The following FBN2 variants were observed in gnomAD, a reference collection of about 807,000 sequenced individuals.
The protein encoded by FBN2 is fibrillin-2.
A neutral mutation model predicts 355.6 loss-of-function variants in FBN2; 105 were observed. That is an observed-to-expected ratio of 0.30 (90% CI 0.25 to 0.35). The LOEUF is 0.35. Among genes scored for constraint, FBN2 ranks in the 10% least tolerant of loss-of-function variants. The probability of loss-of-function intolerance (pLI) is 1.00; values close to 1 mark genes in which losing one functional copy is unlikely to be tolerated. For missense variants in FBN2, 3,280 were observed against 3,758.7 expected, an observed-to-expected ratio of 0.87 and a Z score of 3.33; for synonymous variants, 1,350 against 1,301.2, an observed-to-expected ratio of 1.04 and a Z score of -0.81.
At chr5:128,501,627 A>G (rs925379056) in intron 5 of FBN2, among the ~76,000 whole-genome samples, 1 of 152,194 alleles carries the variant, frequency 6.6e-6, no homozygotes, top group African/African-American at 2.4e-5. Flanking sequence ...TTACAAAGCT[A>G]TTTGTTAATA....
rs1038750007 is a variant in FBN2, at chr5:128,288,617, A to G, written c.6638-60T>C. The G allele has an allele frequency of 5.0e-6, 8 of 1,588,558 alleles. No homozygotes were observed. In the African/African-American group the frequency reaches 1.1e-4, roughly 21 times the overall value. ...GTTTTAGTTTAACAGGAGAATGCCC[A>G]GGAAGACCCATGCTTGGCCCTCACC... On this transcript the variant is annotated intron_variant, in intron 52 of 64. Coordinates refer to ENST00000262464, the MANE Select transcript of FBN2 (RefSeq NM_001999.4).
Position 128,345,545 on chromosome 5 carries a change from T to C in FBN2, c.3029A>G (p.Asp1010Gly), listed in dbSNP as rs752726950. 6.2e-7 allele frequency: 1 copy of C among 1,613,984 alleles called. No homozygotes were observed. Among genetic ancestry groups the C allele is most frequent in the Non-Finnish European group, 8.5e-7 (1 of 1,179,964 alleles). Residue 1010 changes from aspartate (D) to glycine (G), a missense_variant, in exon 24 of 65, where the codon GAT becomes GGT. This residue lies in a region of FBN2 where 2,284 missense variants were observed against 2,749.5 expected (regional missense o/e 0.83). Transcript: ENST00000262464. ...TCCAGGAACGGGGTGGATGCATTCATCTTCATCCCACTTCAAGTAACACTG... is the reference window on the plus strand; with the variant it reads ...TCCAGGAACGGGGTGGATGCATTCACCTTCATCCCACTTCAAGTAACACTG... ...MEQCYLKWDE[D>G]ECIHPVPGKF...
At chr5:128,526,644 A>G (rs1338424877) in intron 4 of FBN2, among the ~76,000 whole-genome samples, 1 of 152,158 alleles carries the variant, frequency 6.6e-6, no homozygotes, top group Non-Finnish European at 1.5e-5. Flanking sequence ...AAGGACAAAT[A>G]CTTCATGCTT....
Position 128,537,693 on chromosome 5 carries a change from A to G in FBN2, c.-90T>C. 3 of 1,323,694 alleles carry G rather than the reference A, an allele frequency of 2.3e-6. No homozygotes were observed. The highest frequency in any genetic ancestry group is 3.2e-6 in the Non-Finnish European group (3 of 947,040). The allele number at this position is 1,323,694 out of a possible 1,614,324, so 82.0% of individuals were successfully genotyped here. ...GCGCCTCAGAAAAGAGTCAGGGTCTAATAAGCCCTTCGTCGGCTCCGGGGA... is the reference window on the plus strand; with the variant it reads ...GCGCCTCAGAAAAGAGTCAGGGTCTGATAAGCCCTTCGTCGGCTCCGGGGA... On this transcript the variant is annotated 5_prime_UTR_variant, in exon 1 of 65. Transcript: ENST00000262464.
At chr5:128,463,009 A>T (rs2127081584) in intron 6 of FBN2, among the ~76,000 whole-genome samples, 1 of 152,310 alleles carries the variant, frequency 6.6e-6, no homozygotes, top group South Asian at 2.1e-4. Flanking sequence ...AATTAAAAAC[A>T]ACAAAGAAAT....
rs577784238 is a variant in FBN2, at chr5:128,437,269, T to C, written c.952+9212A>G. Among the ~76,000 whole-genome samples, 10 of 152,310 alleles carry C rather than the reference T, an allele frequency of 6.6e-5. No individual in the cohort carries two copies. The South Asian group carries it at 2.1e-3, about 32-fold the overall frequency. On this transcript the variant is annotated intron_variant, in intron 7 of 64. Coordinates refer to ENST00000262464, the MANE Select transcript of FBN2 (RefSeq NM_001999.4). ...AATGGGAAAGCTGACAAACACGCTA[T>C]GGTATAGCTACATAATGGAATATTG...
At chr5:128,451,445 G>C (rs900941677) in intron 6 of FBN2, among the ~76,000 whole-genome samples, 2 of 152,070 alleles carry the variant, frequency 1.3e-5, no homozygotes, top group African/African-American at 4.8e-5. Context: ...TGTTGCCCAG[G>C]TTGGAGTGCA....
At chr5:128,437,798 A>ATAGG (rs1311164484) in intron 7 of FBN2, among the ~76,000 whole-genome samples, 3 of 151,648 alleles carry the variant, frequency 2.0e-5, no homozygotes, top group Non-Finnish European at 4.4e-5. Flanking sequence ...AGATAGATAG[A>ATAGG]TAGATAGATA....
intron 3 of FBN2, among the ~76,000 whole-genome samples, chr5:128,528,469 G>A (rs1581373265): frequency 6.6e-6 from 1 of 152,168 alleles, no homozygotes; most frequent in Admixed American, 6.5e-5. Context: ...AGCCAAGAAG[G>A]AGCTTAGATA....
At chr5:128,489,790 A>G (rs1392265724) in intron 5 of FBN2, among the ~76,000 whole-genome samples, 1 of 152,204 alleles carries the variant, frequency 6.6e-6, no homozygotes, top group Non-Finnish European at 1.5e-5. Context: ...AAAGCAACAC[A>G]GCAACATAAA....
rs902885684 is a variant in FBN2 at position 128,472,177 on chromosome 5, C to T, written c.629-7256G>A. Among the ~76,000 whole-genome samples the T allele has an allele frequency of 3.3e-5, 5 of 152,156 alleles. 1 individual carries two copies. Among genetic ancestry groups the T allele is most frequent in the African/African-American group, 9.6e-5 (4 of 41,506 alleles). On this transcript the variant is annotated intron_variant, in intron 5 of 64. Transcript: ENST00000262464. Reference sequence around the variant, plus strand: ...ATACATACCAAAAACTATTATTCAGCCTTAGAAAGGAAGAAAATTCTGACA... The same window carrying T: ...ATACATACCAAAAACTATTATTCAGTCTTAGAAAGGAAGAAAATTCTGACA...
Position 128,409,760 on chromosome 5 carries a change from A to G in FBN2, c.953-961T>C, listed in dbSNP as rs1302955730. On this transcript the variant is annotated intron_variant, in intron 7 of 64. Coordinates refer to ENST00000262464, the MANE Select transcript of FBN2 (RefSeq NM_001999.4). ...AGCCATACATACAGATAATTACTGAAAAGTCAAAATAAGCTGACTTTTAGT... is the reference window on the plus strand; with the variant it reads ...AGCCATACATACAGATAATTACTGAGAAGTCAAAATAAGCTGACTTTTAGT... Among the ~76,000 whole-genome samples, 3 of 152,326 alleles carry G rather than the reference A, an allele frequency of 2.0e-5. No individual in the cohort carries two copies. The East Asian group carries it at 5.8e-4, about 29-fold the overall frequency.
chr5:128,336,217 T>C (rs532274417), intron 27 of FBN2, 104 bp from the exon 28 acceptor site: 14 of 1,128,458 alleles, frequency 1.2e-5, no homozygotes, highest in Non-Finnish European at 1.7e-5. Flanking sequence ...GTTTGTGTAC[T>C]TCACGAGGAA....
chr5:128,448,440 T>C (rs757020160), intron 6 of FBN2, among the ~76,000 whole-genome samples: 22 of 152,046 alleles, frequency 1.4e-4, no homozygotes, highest in Non-Finnish European at 2.5e-4. Flanking sequence ...CCTGAGTAGC[T>C]GGGATTACAG....
intron 7 of FBN2, among the ~76,000 whole-genome samples, chr5:128,435,539 C>T (rs183992494): frequency 8.9e-4 from 135 of 152,056 alleles, no homozygotes; most frequent in African/African-American, 3.2e-3. Flanking sequence ...CAGAAAAGAC[C>T]ATTATTATTC....
At chr5:128,373,241 T>C (rs745599303) in intron 15 of FBN2, among the ~76,000 whole-genome samples, 1 of 152,200 alleles carries the variant, frequency 6.6e-6, no homozygotes, top group Non-Finnish European at 1.5e-5. Context: ...TTTGTGCTCA[T>C]GGTAGATTTC....
chr5:128,273,781 T>C, intron 61 of FBN2, 59 bp downstream of exon 61: 2 of 1,553,980 alleles, frequency 1.3e-6, no homozygotes, highest in South Asian at 2.2e-5. Context: ...GTCTTGGAAG[T>C]TAAAAATATA....
intron 6 of FBN2, among the ~76,000 whole-genome samples, chr5:128,462,672 C>T (rs957801363): frequency 6.6e-6 from 1 of 152,042 alleles, no homozygotes; most frequent in Non-Finnish European, 1.5e-5. Context: ...GATCAGATGA[C>T]ACATTTTTTA....
chr5:128,526,645 C>T (rs1018076890), intron 4 of FBN2, among the ~76,000 whole-genome samples: 3 of 152,132 alleles, frequency 2.0e-5, no homozygotes, highest in Non-Finnish European at 2.9e-5. Context: ...AGGACAAATA[C>T]TTCATGCTTA....
Sources: gnomAD v4.1 joint callset for allele counts (sites outside exome capture counted in the v4.1 genomes callset) on GRCh38, gnomAD v4.1.1 for gene constraint, gnomAD v4.1.1 regional missense constraint, MANE v1.5 for transcripts, NCBI Gene and HGNC (gene_info 2026-07-23, HGNC 2026-07-21) for gene names.